Variants in SH3RF3 observed in about 807,000 individuals in gnomAD.
SH3RF3 encodes the protein E3 ubiquitin-protein ligase SH3RF3.
A neutral mutation model predicts 66.3 loss-of-function variants in SH3RF3; 29 were observed. The ratio of observed to expected loss-of-function variants is 0.44; its 90% CI spans 0.33 to 0.60. The LOEUF is 0.60. Among genes scored for constraint, SH3RF3 ranks in the 20% least tolerant of loss-of-function variants. The probability of loss-of-function intolerance (pLI) is 0.04; values close to 1 mark genes in which losing one functional copy is unlikely to be tolerated. For missense variants in SH3RF3, 1,194 were observed against 1,190.9 expected (o/e 1.00, Z -0.04); for synonymous variants, 583 against 532.0 (o/e 1.10, Z -1.32).
At chr2:109,391,112 C>T (rs137985805) in intron 3 of SH3RF3, among the ~76,000 whole-genome samples, 87 of 152,324 alleles carry the variant, frequency 5.7e-4, no homozygotes, top group African/African-American at 2.0e-3. Flanking sequence ...CCATTCGCTC[C>T]GACTCCCTCC....
chr2:109,412,228 AAC>A (rs1331260117), intron 4 of SH3RF3, among the ~76,000 whole-genome samples: 4 of 152,324 alleles, frequency 2.6e-5, no homozygotes, highest in Non-Finnish European at 4.4e-5. Flanking sequence ...CAGCAGACAA[AAC>A]ACAGTCTCCT....
rs764419411 is a variant in SH3RF3 at position 109,371,638 on chromosome 2, T to G, written c.902T>G (p.Met301Arg). 71 of 1,613,880 alleles carry G rather than the reference T, an allele frequency of 4.4e-5. No individual in the cohort carries two copies. Among genetic ancestry groups the G allele is most frequent in the Non-Finnish European group, 5.3e-5 (63 of 1,179,918 alleles). ...GTGGATGAGAACTGGGCGGAAGGCA[T>G]GCTGGGAGACAAGATCGGGATCTTC... ...RRVDENWAEG[M>R]LGDKIGIFPL... is the part of the protein sequence containing the mutation. The change falls in exon 3 of 10, where the codon ATG (methionine) becomes AGG (arginine). Residue 301 changes from methionine to arginine, a missense_variant. Met to Arg is a moderately conservative substitution (Grantham distance 91). Coordinates refer to ENST00000309415, the MANE Select transcript of SH3RF3 (RefSeq NM_001099289.3).
chr2:109,239,301 T>C (rs934744831), intron 1 of SH3RF3, among the ~76,000 whole-genome samples: 1 of 152,160 alleles, frequency 6.6e-6, no homozygotes, highest in Non-Finnish European at 1.5e-5. Flanking sequence ...TGGAAGCTTT[T>C]ATCCCTTCCT....
chr2:109,478,016 C>T (rs993765507), intron 8 of SH3RF3, among the ~76,000 whole-genome samples: 1 of 152,216 alleles, frequency 6.6e-6, no homozygotes, highest in Non-Finnish European at 1.5e-5. Flanking sequence ...TGAAATATTA[C>T]TGGAATGATT....
At chr2:109,180,416 G>A (rs1361971905) in intron 1 of SH3RF3, among the ~76,000 whole-genome samples, 2 of 152,182 alleles carry the variant, frequency 1.3e-5, no homozygotes, top group Admixed American at 6.5e-5. Flanking sequence ...CCATTAGCTA[G>A]CCAATGAACT....
intron 3 of SH3RF3, among the ~76,000 whole-genome samples, chr2:109,380,884 C>A (rs1675630937): frequency 6.6e-6 from 1 of 152,248 alleles, no homozygotes. Context: ...TTGGAGGCCC[C>A]AGCAGGGCAC....
chr2:109,201,023 G>A (rs1678659109), intron 1 of SH3RF3, among the ~76,000 whole-genome samples: 1 of 152,130 alleles, frequency 6.6e-6, no homozygotes. Flanking sequence ...AGTGGCTGTG[G>A]GGACCTGGGT....
intron 3 of SH3RF3, among the ~76,000 whole-genome samples, chr2:109,387,865 G>T (rs1675866997): frequency 6.6e-6 from 1 of 152,050 alleles, no homozygotes; most frequent in Non-Finnish European, 1.5e-5. Flanking sequence ...GGTTGGGGGG[G>T]GGGTCTCCTC....
chr2:109,330,026 G>A (rs1023808062), intron 1 of SH3RF3, among the ~76,000 whole-genome samples: 1 of 152,140 alleles, frequency 6.6e-6, no homozygotes, highest in South Asian at 2.1e-4. Context: ...AACATCCCTG[G>A]CCCTTACAAA....
At chr2:109,161,862 A>G (rs1419058964) in intron 1 of SH3RF3, among the ~76,000 whole-genome samples, 3 of 151,764 alleles carry the variant, frequency 2.0e-5, no homozygotes, top group Admixed American at 6.6e-5. Flanking sequence ...TGGGGATCAC[A>G]TTTTAATACA....
At chr2:109,423,913 G>T (rs1247855444) in intron 5 of SH3RF3, among the ~76,000 whole-genome samples, 1 of 152,232 alleles carries the variant, frequency 6.6e-6, no homozygotes, top group Non-Finnish European at 1.5e-5. Flanking sequence ...GGGAAATGGA[G>T]GAGATGCAAG....
intron 4 of SH3RF3, among the ~76,000 whole-genome samples, chr2:109,406,259 C>A (rs528918934): frequency 1.4e-4 from 21 of 152,124 alleles, no homozygotes; most frequent in African/African-American, 4.8e-4. Context: ...AGGCCAACTC[C>A]ACTATGACAC....
At position 109,403,503 on chromosome 2, in the gene SH3RF3, C is replaced by G. The variant is rs1676370988; in HGVS notation, c.1299+4560C>G. On this transcript the variant is annotated intron_variant, in intron 4 of 9. Coordinates refer to ENST00000309415, the MANE Select transcript of SH3RF3 (RefSeq NM_001099289.3). ...CTCCCTGGCCTTCCAGGGCCCCACT[C>G]TTGTCAGGACATGGTTATCACTTAA... is the stretch of plus-strand genomic sequence containing the variant. 2.0e-5 allele frequency among the ~76,000 whole-genome samples: 3 copies of G among 152,254 alleles called. No homozygotes were observed. The South Asian group carries it at 6.2e-4, about 31-fold the overall frequency.
chr2:109,292,787 C>A (rs186129436), intron 1 of SH3RF3, among the ~76,000 whole-genome samples: 3 of 152,270 alleles, frequency 2.0e-5, no homozygotes, highest in Non-Finnish European at 4.4e-5. Flanking sequence ...GGCTGGAGTG[C>A]AGTGGCATGA....
intron 2 of SH3RF3, among the ~76,000 whole-genome samples, chr2:109,370,443 T>C (rs1425524580): frequency 6.6e-6 from 1 of 152,090 alleles, no homozygotes; most frequent in African/African-American, 2.4e-5. Flanking sequence ...TTTCACCATA[T>C]TGGTCAGGCT....
At chr2:109,419,741 G>T in intron 5 of SH3RF3, 99 bp downstream of exon 5, 1 of 1,153,918 alleles carries the variant, frequency 8.7e-7, no homozygotes, top group Non-Finnish European at 1.2e-6. Flanking sequence ...GTTTTCCCAT[G>T]TGTTACTAGT....
intron 1 of SH3RF3, among the ~76,000 whole-genome samples, chr2:109,225,063 G>C (rs1189806143): frequency 6.6e-6 from 1 of 152,070 alleles, no homozygotes; most frequent in African/African-American, 2.4e-5. Flanking sequence ...TTTGACACCT[G>C]GCCTGGAGCC....
intron 2 of SH3RF3, among the ~76,000 whole-genome samples, chr2:109,350,849 G>A (rs1448315424): frequency 6.6e-6 from 1 of 152,194 alleles, no homozygotes; most frequent in Admixed American, 6.5e-5. Context: ...CTTTGGATAT[G>A]TTCCATTCCT....
intron 1 of SH3RF3, among the ~76,000 whole-genome samples, chr2:109,181,446 G>A (rs1666255836): frequency 6.6e-6 from 1 of 152,142 alleles, no homozygotes; most frequent in Admixed American, 6.5e-5. Context: ...ATCTGGCGCT[G>A]TAAGGGTTTG....
Sources: allele counts gnomAD v4.1 joint callset (sites outside exome capture counted in the v4.1 genomes callset), GRCh38; gene constraint gnomAD v4.1.1; transcripts MANE v1.5; gene names NCBI Gene and HGNC (gene_info 2026-07-23, HGNC 2026-07-21).